The following ELAPOR2 variants were observed in gnomAD, a reference collection of about 807,000 sequenced individuals.
ELAPOR2 encodes endosome-lysosome associated apoptosis and autophagy regulator family member 2.
A neutral mutation model predicts 120.7 loss-of-function variants in ELAPOR2; 89 were observed. The observed-to-expected ratio is 0.74, with a 90% CI of 0.62 to 0.88. The LOEUF (loss-of-function observed/expected upper bound fraction) is 0.88. Ranked by LOEUF, ELAPOR2 falls within the 40% of genes least tolerant of loss-of-function variation. The pLI is 0.00. For synonymous variants in ELAPOR2, 444 were observed against 444.9 expected (o/e 1.00, Z 0.03); for missense variants, 1,134 against 1,251.6 (o/e 0.91, Z 1.42).
chr7:86,895,079 G>T (rs1788376497), intron 19 of ELAPOR2, among the ~76,000 whole-genome samples: 1 of 151,978 alleles, frequency 6.6e-6, no homozygotes, highest in Non-Finnish European at 1.5e-5. Flanking sequence ...TTGTAAAGAT[G>T]GTGTCGGAAA....
At chr7:86,886,409 C>A (rs1316963361) in intron 21 of ELAPOR2, among the ~76,000 whole-genome samples, 1 of 152,102 alleles carries the variant, frequency 6.6e-6, no homozygotes, top group Non-Finnish European at 1.5e-5. Context: ...TATGGCCTCA[C>A]AATCATAATG....
At chr7:87,005,175 T>C (rs570105000) in intron 1 of ELAPOR2, among the ~76,000 whole-genome samples, 2 of 152,142 alleles carry the variant, frequency 1.3e-5, no homozygotes, top group Admixed American at 1.3e-4. Context: ...CAGTTTATAA[T>C]GGAAGCTCAA....
intron 1 of ELAPOR2, among the ~76,000 whole-genome samples, chr7:87,049,097 C>T (rs373545951): frequency 6.6e-6 from 1 of 152,116 alleles, no homozygotes; most frequent in East Asian, 1.9e-4. Flanking sequence ...AGGCACTCTT[C>T]AATGTGCTAG....
chr7:86,943,300 T>TC (rs1248822358), intron 4 of ELAPOR2, among the ~76,000 whole-genome samples: 1 of 93,116 alleles, frequency 1.1e-5, no homozygotes, highest in Non-Finnish European at 2.2e-5. Flanking sequence ...TCATCATCAT[T>TC]TAAAAAAAAA....
chr7:86,986,298 G>A (rs1792733578), intron 1 of ELAPOR2, among the ~76,000 whole-genome samples: 1 of 115,654 alleles, frequency 8.6e-6, no homozygotes, highest in South Asian at 2.4e-4. Flanking sequence ...GCGTAGTGGC[G>A]GGCGCCTGTA....
At chr7:86,983,782 T>A (rs13221515) in intron 1 of ELAPOR2, among the ~76,000 whole-genome samples, 33,751 of 152,070 alleles carry the variant, frequency 0.22, 3,950 homozygotes, top group African/African-American at 0.25. Context: ...CATCAACTAA[T>A]GGGCAAAATA....
At chr7:86,967,121 C>G (rs1791937480) in intron 1 of ELAPOR2, among the ~76,000 whole-genome samples, 1 of 152,130 alleles carries the variant, frequency 6.6e-6, no homozygotes, top group South Asian at 2.1e-4. Context: ...CATGTATTTG[C>G]ATAATTGCTT....
intron 4 of ELAPOR2, among the ~76,000 whole-genome samples, chr7:86,944,371 G>A (rs191839098): frequency 2.6e-5 from 4 of 152,100 alleles, no homozygotes; most frequent in African/African-American, 9.6e-5. Context: ...ATTCATTGAT[G>A]TTTTTAGACT....
intron 1 of ELAPOR2, among the ~76,000 whole-genome samples, chr7:87,018,525 A>G (rs541935290): frequency 6.6e-6 from 1 of 152,346 alleles, no homozygotes; most frequent in East Asian, 1.9e-4. Flanking sequence ...CAAAAGGTAA[A>G]AACAATTTCA....
intron 1 of ELAPOR2, among the ~76,000 whole-genome samples, chr7:86,981,604 G>A (rs901783307): frequency 2.0e-5 from 3 of 152,196 alleles, no homozygotes; most frequent in Non-Finnish European, 4.4e-5. Flanking sequence ...TCTGCTTCAG[G>A]CAACTAATGA....
chr7:86,999,645 A>G (rs1307719227), intron 1 of ELAPOR2, among the ~76,000 whole-genome samples: 1 of 152,210 alleles, frequency 6.6e-6, no homozygotes, highest in Non-Finnish European at 1.5e-5. Flanking sequence ...TAAAGTGGAT[A>G]AACCCTCTTT....
At position 86,984,137 on chromosome 7, in the gene ELAPOR2, G is replaced by C. The variant is rs141965129; in HGVS notation, c.190-19113C>G. Reference sequence around the variant, plus strand: ...AAGGGATTAACAAGAAGAGCTAACTGTCCTAAATATATATGCACCTAATAC... The same window carrying C: ...AAGGGATTAACAAGAAGAGCTAACTCTCCTAAATATATATGCACCTAATAC... On this transcript the variant is annotated intron_variant, in intron 1 of 21. Transcript: ENST00000450689. 2.7e-3 allele frequency among the ~76,000 whole-genome samples: 406 copies of C among 152,198 alleles called. 4 individuals carry two copies. Among genetic ancestry groups the C allele is most frequent in the Middle Eastern group, 0.024 (7 of 294 alleles).
chr7:86,897,528 C>T lies in ELAPOR2; in HGVS notation c.2663G>A (p.Gly888Glu), dbSNP rs771865743. Residue 888 changes from glycine to glutamate, a missense_variant, in exon 19 of 22, where the codon GGA becomes GAA. Coordinates refer to ENST00000450689, the MANE Select transcript of ELAPOR2 (RefSeq NM_001142749.3). ...CTEHDFHEIE[G>E]ACKRGFQETL... is the part of the protein sequence containing the mutation. ...TACCTGAAATCCTCTCTTGCAGGCT[C>T]CCTCAATCTCATGGAAGTCATGCTC... 10 of 1,612,836 alleles carry T rather than the reference C, an allele frequency of 6.2e-6. No homozygotes were observed. The highest frequency in any genetic ancestry group is 8.5e-6 in the Non-Finnish European group (10 of 1,179,356).
In ELAPOR2 at chr7:86,891,827, G is replaced by A. The variant is rs140842262; in HGVS notation, c.2927C>T (p.Ala976Val). The change falls in exon 21 of 22, where the codon GCT (alanine) becomes GTT (valine). Residue 976 changes from alanine to valine, a missense_variant. Ala to Val is a moderately conservative substitution (Grantham distance 64). Transcript: ENST00000450689. ...TTNSKECELP[A>V]ADSCAIMEGE... Reference sequence around the variant, plus strand: ...TTCCATGATAGCACAACTGTCTGCAGCCGGGAGTTCACACTCTTTTGAGTT... The same window carrying A: ...TTCCATGATAGCACAACTGTCTGCAACCGGGAGTTCACACTCTTTTGAGTT... The A allele has an allele frequency of 1.6e-4, 263 of 1,611,784 alleles. No individual in the cohort carries two copies. The highest frequency in any genetic ancestry group is 1.8e-4 in the Non-Finnish European group (209 of 1,178,704).
intron 1 of ELAPOR2, chr7:86,966,086 A>G (rs1307267094): frequency 1.3e-5 from 4 of 317,204 alleles, no homozygotes; most frequent in African/African-American, 9.0e-5. Context: ...TTCTTCCCTC[A>G]ATGTATCTTG....
chr7:86,983,167 C>G (rs1039220065), intron 1 of ELAPOR2, among the ~76,000 whole-genome samples: 2 of 152,126 alleles, frequency 1.3e-5, no homozygotes, highest in Non-Finnish European at 2.9e-5. Context: ...AACAAAGACT[C>G]CAACAAATAT....
chr7:86,891,537 A>G (rs971157495), intron 21 of ELAPOR2, 187 bp downstream of exon 21: 1 of 495,648 alleles, frequency 2.0e-6, no homozygotes, highest in East Asian at 3.2e-5. Flanking sequence ...TTGACAACCA[A>G]CGAAAACAAT....
chr7:86,895,481 T>C lies in ELAPOR2; in HGVS notation c.2685+2025A>G, dbSNP rs151135431. On this transcript the variant is annotated intron_variant, in intron 19 of 21. Coordinates refer to ENST00000450689, the MANE Select transcript of ELAPOR2 (RefSeq NM_001142749.3). ...GAAGGATATATTTAACTACTTCCAG[T>C]ATTTCTCAAATTAAATTTGTAACTA... Among the ~76,000 whole-genome samples the C allele has an allele frequency of 5.1e-3, 778 of 152,206 alleles. 5 individuals carry two copies. Among genetic ancestry groups the C allele is most frequent in the Middle Eastern group, 0.017 (5 of 294 alleles).
chr7:87,053,625 T>C (rs899991168), intron 1 of ELAPOR2, among the ~76,000 whole-genome samples: 2 of 152,138 alleles, frequency 1.3e-5, no homozygotes, highest in East Asian at 1.9e-4. Flanking sequence ...TGGGGGGCTG[T>C]GCGTGCAAAA....
Sources: allele counts gnomAD v4.1 joint callset (sites outside exome capture counted in the v4.1 genomes callset), GRCh38; gene constraint gnomAD v4.1.1; transcripts MANE v1.5; gene names NCBI Gene and HGNC (gene_info 2026-07-23, HGNC 2026-07-21).